NEDD9: variants seen among roughly 807,000 people sequenced by gnomAD.
The protein encoded by NEDD9 is enhancer of filamentation 1.
A neutral mutation model predicts 76.6 loss-of-function variants in NEDD9; 26 were observed. That is an observed-to-expected ratio of 0.34 (90% CI 0.25 to 0.47). NEDD9 has a LOEUF of 0.47. NEDD9 is among the 20% of genes least tolerant of loss of function. The pLI, the probability that NEDD9 is intolerant of heterozygous loss-of-function variation, is 1.00. For missense variants in NEDD9, 937 were observed against 1,058.5 expected (o/e 0.89, Z 1.59); for synonymous variants, 392 against 414.2 (o/e 0.95, Z 0.65).
At chr6:11,285,195 G>A (rs1268204800) in intron 3 of NEDD9, among the ~76,000 whole-genome samples, 2 of 152,168 alleles carry the variant, frequency 1.3e-5, no homozygotes, top group Non-Finnish European at 2.9e-5. Flanking sequence ...TAGCTTGTCA[G>A]TCTTGAAGGG....
At chr6:11,225,354 A>G (rs914209887) in intron 1 of NEDD9, among the ~76,000 whole-genome samples, 2 of 152,234 alleles carry the variant, frequency 1.3e-5, no homozygotes, top group African/African-American at 4.8e-5. Context: ...TTGCAAAGAA[A>G]CATGACACTT....
intron 2 of NEDD9, among the ~76,000 whole-genome samples, chr6:11,318,798 G>A (rs1761659274): frequency 6.6e-6 from 1 of 151,970 alleles, no homozygotes; most frequent in Admixed American, 6.6e-5. Flanking sequence ...GACATTCATT[G>A]GAGAGAAGCT....
intron 3 of NEDD9, among the ~76,000 whole-genome samples, chr6:11,292,691 A>G (rs1258416597): frequency 6.6e-6 from 1 of 152,206 alleles, no homozygotes; most frequent in Non-Finnish European, 1.5e-5. Flanking sequence ...AACTGATGTG[A>G]TTTATGCATG....
chr6:11,205,625 C>A (rs1169227137), intron 2 of NEDD9, among the ~76,000 whole-genome samples: 1 of 151,940 alleles, frequency 6.6e-6, no homozygotes, highest in Non-Finnish European at 1.5e-5. Flanking sequence ...GGAGTTACAT[C>A]CTACTTTTTT....
chr6:11,269,582 A>G (rs995549345), intron 3 of NEDD9, among the ~76,000 whole-genome samples: 8 of 152,006 alleles, frequency 5.3e-5, no homozygotes, highest in Non-Finnish European at 4.4e-5. Flanking sequence ...ACTCAATTAA[A>G]TAACTCTTTT....
At chr6:11,217,891 C>T (rs2327332) in intron 1 of NEDD9, among the ~76,000 whole-genome samples, 30,213 of 152,160 alleles carry the variant, frequency 0.2, 3,216 homozygotes, top group African/African-American at 0.23. Context: ...TTCCTTGAAA[C>T]TGTCTTCTTC....
At chr6:11,270,228 A>C (rs1760274729) in intron 3 of NEDD9, among the ~76,000 whole-genome samples, 1 of 152,256 alleles carries the variant, frequency 6.6e-6, no homozygotes, top group Non-Finnish European at 1.5e-5. Context: ...CATTCTGTCA[A>C]CTTCAATTAG....
At chr6:11,273,950 G>A (rs1011386095) in intron 3 of NEDD9, among the ~76,000 whole-genome samples, 13 of 152,074 alleles carry the variant, frequency 8.5e-5, no homozygotes, top group East Asian at 1.9e-4. Context: ...TGAATGTCAC[G>A]TCAACATCCA....
At chr6:11,293,092 C>A (rs772009057) in intron 3 of NEDD9, among the ~76,000 whole-genome samples, 2 of 152,154 alleles carry the variant, frequency 1.3e-5, no homozygotes, top group Non-Finnish European at 2.9e-5. Flanking sequence ...AGTTTGTAAT[C>A]ATTCACTGCC....
In NEDD9 at chr6:11,312,955, A is replaced by G. The variant is rs1020447930; in HGVS notation, c.-152-6800T>C. ...CAATGTCTTTCTTATTGTTCTTAAGACAATGTCCAAAATTCTTAAGGTGAC... is the reference window on the plus strand; with the variant it reads ...CAATGTCTTTCTTATTGTTCTTAAGGCAATGTCCAAAATTCTTAAGGTGAC... On this transcript the variant is annotated intron_variant, in intron 2 of 3. Coordinates refer to the NEDD9 transcript ENST00000397378. Among the ~76,000 whole-genome samples the G allele has an allele frequency of 3.2e-4, 49 of 152,198 alleles. 1 individual carries two copies. The highest frequency in any genetic ancestry group is 8.7e-4 in the African/African-American group (36 of 41,464).
intron 2 of NEDD9, among the ~76,000 whole-genome samples, chr6:11,323,424 C>T (rs1327791538): frequency 2.6e-5 from 4 of 152,254 alleles, no homozygotes; most frequent in African/African-American, 9.6e-5. Context: ...TCCTCTCAGA[C>T]ATGATCCTCT....
In NEDD9 at chr6:11,241,550, C is replaced by T. The variant is rs1005289623; in HGVS notation, c.13-27823G>A. On this transcript the variant is annotated intron_variant, in intron 3 of 3. Coordinates refer to the NEDD9 transcript ENST00000397378. This position sits in a 1 kb window ranked among gnomAD's most constrained non-coding sequence, Gnocchi z 4.0. ...ACTTCCGAGCTTTGCCATTCTCCAG[C>T]GCACACTGGCCTCCGGAAGCCATCT... 1.3e-5 allele frequency among the ~76,000 whole-genome samples: 2 copies of T among 152,166 alleles called. No individual in the cohort carries two copies. The highest frequency in any genetic ancestry group is 2.9e-5 in the Non-Finnish European group (2 of 68,038).
chr6:11,250,076 G>A (rs141845213), intron 3 of NEDD9, among the ~76,000 whole-genome samples: 1 of 152,348 alleles, frequency 6.6e-6, no homozygotes, highest in East Asian at 1.9e-4. Flanking sequence ...TGTGCAAATG[G>A]CTGGCTGTGG....
intron 1 of NEDD9, among the ~76,000 whole-genome samples, chr6:11,338,759 T>C (rs1048077983): frequency 6.6e-6 from 1 of 151,926 alleles, no homozygotes; most frequent in African/African-American, 2.4e-5. Context: ...CCATATCTAC[T>C]AAAAATACAA....
chr6:11,337,421 G>A (rs1762184923), intron 1 of NEDD9, among the ~76,000 whole-genome samples: 2 of 152,148 alleles, frequency 1.3e-5, no homozygotes, highest in Admixed American at 1.3e-4. Context: ...ACAATTATAT[G>A]TTGTGGCAAT....
intron 3 of NEDD9, among the ~76,000 whole-genome samples, chr6:11,259,542 C>T (rs1207563037): frequency 1.3e-5 from 2 of 152,134 alleles, no homozygotes; most frequent in Admixed American, 1.3e-4. Context: ...AATCTGAGTG[C>T]TCTAGGCATG....
At chr6:11,298,051 G>A (rs970600449) in intron 3 of NEDD9, among the ~76,000 whole-genome samples, 2 of 151,878 alleles carry the variant, frequency 1.3e-5, no homozygotes, top group Admixed American at 6.6e-5. Context: ...GTTACTATAG[G>A]TGCGCACCAC....
intron 1 of NEDD9, among the ~76,000 whole-genome samples, chr6:11,216,601 A>T (rs1758962034): frequency 6.6e-6 from 1 of 152,222 alleles, no homozygotes; most frequent in Admixed American, 6.5e-5. Flanking sequence ...TCTGAAGAGG[A>T]GCGGTTCTTC....
At chr6:11,343,943 T>C (rs1762319702) in intron 1 of NEDD9, among the ~76,000 whole-genome samples, 1 of 152,202 alleles carries the variant, frequency 6.6e-6, no homozygotes, top group South Asian at 2.1e-4. Context: ...ATGTTTACAA[T>C]AAAGGTAACC....
Sources: allele counts gnomAD v4.1 joint callset (sites outside exome capture counted in the v4.1 genomes callset), GRCh38; gene constraint gnomAD v4.1.1; non-coding constraint Gnocchi (gnomAD v3.1); transcripts MANE v1.5; gene names NCBI Gene and HGNC (gene_info 2026-07-23, HGNC 2026-07-21).